RAB1A: variants seen among roughly 807,000 people sequenced by gnomAD.
RAB1A encodes ras-related protein Rab-1A.
RAB1A carries 2 observed loss-of-function variants against 26.0 expected under a neutral mutation model. The observed-to-expected ratio is 0.08, with a 90% CI of 0.03 to 0.24. RAB1A has a LOEUF of 0.24. Ranked by LOEUF, RAB1A falls within the 10% of genes least tolerant of loss-of-function variation. The pLI, the probability that RAB1A is intolerant of heterozygous loss-of-function variation, is 1.00. For synonymous variants in RAB1A, 84 were observed against 84.9 expected (o/e 0.99, Z 0.06); for missense variants, 100 against 247.0 (o/e 0.40, Z 3.99).
rs150874921 is a variant in RAB1A, at chr2:65,111,428, T to C, written c.24-6622A>G. 1.0e-3 allele frequency among the ~76,000 whole-genome samples: 153 copies of C among 149,612 alleles called. 1 individual carries two copies. The East Asian group carries it at 0.014, about 14-fold the overall frequency. ...GACAACTGACGGACATTCTATAAAA[T>C]ACCTATCAGCACTCTTCAAACTTGT... On this transcript the variant is annotated intron_variant, in intron 1 of 5. Coordinates refer to ENST00000409784, the MANE Select transcript of RAB1A (RefSeq NM_004161.5).
chr2:65,121,084 C>T (rs894630953), intron 1 of RAB1A, among the ~76,000 whole-genome samples: 8 of 151,556 alleles, frequency 5.3e-5, no homozygotes, highest in African/African-American at 1.7e-4. Context: ...AGCGACATCT[C>T]ATCTCTTAAA....
chr2:65,124,886 A>G (rs1305119500), intron 1 of RAB1A, among the ~76,000 whole-genome samples: 1 of 152,218 alleles, frequency 6.6e-6, no homozygotes, highest in Non-Finnish European at 1.5e-5. Context: ...GTGATATTCT[A>G]TAGACATTTA....
At chr2:65,102,678 A>T (rs1228741080) in intron 2 of RAB1A, among the ~76,000 whole-genome samples, 1 of 151,986 alleles carries the variant, frequency 6.6e-6, no homozygotes, top group East Asian at 1.9e-4. Context: ...CTGTAATCCC[A>T]GCACTTTGGG....
chr2:65,103,681 T>C (rs555635065), intron 2 of RAB1A, among the ~76,000 whole-genome samples: 12 of 152,356 alleles, frequency 7.9e-5, no homozygotes, highest in Non-Finnish European at 1.5e-4. Flanking sequence ...TTTGACCTCA[T>C]GGGCTACCTG....
At chr2:65,110,675 GT>G (rs992281633) in intron 1 of RAB1A, among the ~76,000 whole-genome samples, 10 of 152,264 alleles carry the variant, frequency 6.6e-5, no homozygotes, top group African/African-American at 2.4e-4. Flanking sequence ...GCTCACACCT[GT>G]AATTCCCACC....
intron 2 of RAB1A, among the ~76,000 whole-genome samples, chr2:65,103,137 G>A (rs1316867751): frequency 2.6e-5 from 4 of 151,596 alleles, no homozygotes; most frequent in Non-Finnish European, 5.9e-5. Flanking sequence ...GCAACACAGT[G>A]AGACCTTGTC....
intron 1 of RAB1A, among the ~76,000 whole-genome samples, chr2:65,124,158 G>A (rs1670039861): frequency 6.6e-6 from 1 of 151,978 alleles, no homozygotes; most frequent in Non-Finnish European, 1.5e-5. Context: ...TAGCTAATTT[G>A]GTGTTTTTAG....
intron 1 of RAB1A, among the ~76,000 whole-genome samples, chr2:65,119,003 A>G (rs576388385): frequency 1.2e-3 from 182 of 152,146 alleles, no homozygotes; most frequent in Non-Finnish European, 2.2e-3. Flanking sequence ...AGCCTGATAC[A>G]ACATGTGAAA....
chr2:65,120,455 C>CA (rs67617654), intron 1 of RAB1A, among the ~76,000 whole-genome samples: 7,221 of 55,368 alleles, frequency 0.13, 773 homozygotes, highest in African/African-American at 0.25. Context: ...CACCTTGTCT[C>CA]AAAAAAAAAA....
chr2:65,115,791 T>C (rs1232375769), intron 1 of RAB1A, among the ~76,000 whole-genome samples: 1 of 152,214 alleles, frequency 6.6e-6, no homozygotes, highest in Non-Finnish European at 1.5e-5. Flanking sequence ...TACATGTTTT[T>C]CTTTGGTATT....
At chr2:65,114,193 C>T in intron 1 of RAB1A, 1 of 433,480 alleles carries the variant, frequency 2.3e-6, no homozygotes, top group South Asian at 1.8e-5. Context: ...TTTAGATTCT[C>T]AGACAAGGTT....
rs898682013 is a variant in RAB1A, at chr2:65,088,025, ACT to A, written c.*466_*467del. On this transcript the variant is annotated 3_prime_UTR_variant, in exon 6 of 6. Transcript: ENST00000409784. ...AGATAGTGTAATCTTTCCATTTATAACTCTACAAGGAAGAACTAGCAAATCAG... is the reference window on the plus strand; with the variant it reads ...AGATAGTGTAATCTTTCCATTTATAACTACAAGGAAGAACTAGCAAATCAG... 6.5e-6 allele frequency: 1 copy of A among 154,080 alleles called. No individual in the cohort carries two copies. The highest frequency in any genetic ancestry group is 1.9e-4 in the East Asian group (1 of 5,208). 9.5% of individuals were successfully genotyped at this position (154,080 alleles called of 1,614,324 possible).
chr2:65,109,147 A>G (rs73936423), intron 1 of RAB1A, among the ~76,000 whole-genome samples: 7,099 of 152,298 alleles, frequency 0.047, 171 homozygotes, highest in Middle Eastern at 0.075. Context: ...GTGAGAATTC[A>G]TTGTTCTGAG....
At chr2:65,123,428 A>C (rs1472622362) in intron 1 of RAB1A, among the ~76,000 whole-genome samples, 1 of 152,050 alleles carries the variant, frequency 6.6e-6, no homozygotes, top group East Asian at 1.9e-4. Context: ...TCGGCCTCCC[A>C]AAGTGCTGGG....
chr2:65,119,841 C>CCAAAA (rs1236103011), intron 1 of RAB1A, among the ~76,000 whole-genome samples: 3 of 36,418 alleles, frequency 8.2e-5, no homozygotes, highest in African/African-American at 9.9e-5. Flanking sequence ...CCTGTCTCTA[C>CCAAAA]AAAAAAAAAA....
chr2:65,116,589 G>A (rs975384626), intron 1 of RAB1A, among the ~76,000 whole-genome samples: 1 of 152,132 alleles, frequency 6.6e-6, no homozygotes, highest in African/African-American at 2.4e-5. Flanking sequence ...ACAGTAAGTG[G>A]CCATTGTTAT....
In RAB1A at chr2:65,088,364, C is replaced by T. The variant is rs760395230; in HGVS notation, c.*129G>A. 1.4e-4 allele frequency: 106 copies of T among 759,938 alleles called. 1 individual carries two copies. In the Admixed American group the frequency reaches 2.0e-3, roughly 14 times the overall value. 47.1% of individuals were successfully genotyped at this position (759,938 alleles called of 1,614,324 possible). A position where few individuals can be genotyped will look rare whatever the true frequency, so the allele number is the denominator to read the frequency against. ...AGTCAGTATTGACCATTTACAATCT[C>T]TGACCTTTGTGGAGACGGTAAGAAT... On this transcript the variant is annotated 3_prime_UTR_variant, in exon 6 of 6. Transcript: ENST00000409784.
intron 1 of RAB1A, among the ~76,000 whole-genome samples, chr2:65,106,698 A>C (rs1472355029): frequency 1.9e-5 from 1 of 52,136 alleles, no homozygotes. Context: ...TGAAGCATAG[A>C]ATGAACTAGA....
At chr2:65,103,665 G>A (rs1246785689) in intron 2 of RAB1A, among the ~76,000 whole-genome samples, 1 of 152,128 alleles carries the variant, frequency 6.6e-6, no homozygotes, top group Non-Finnish European at 1.5e-5. Flanking sequence ...AGTATTATTA[G>A]GATATTTTGA....
Sources: allele counts gnomAD v4.1 joint callset (sites outside exome capture counted in the v4.1 genomes callset), GRCh38; gene constraint gnomAD v4.1.1; transcripts MANE v1.5; gene names NCBI Gene and HGNC (gene_info 2026-07-23, HGNC 2026-07-21).